Variants in CASR observed in about 807,000 individuals in gnomAD.
CASR encodes the protein extracellular calcium-sensing receptor.
Under a neutral mutation model 69.1 loss-of-function variants are expected in CASR, and 23 were observed. The ratio of observed to expected loss-of-function variants is 0.33; its 90% CI spans 0.24 to 0.47. CASR has a LOEUF of 0.47. Among genes scored for constraint, CASR ranks in the 20% least tolerant of loss-of-function variants. CASR has a pLI of 1.00. For synonymous variants in CASR, 541 were observed against 544.7 expected (o/e 0.99, Z 0.10); for missense variants, 924 against 1,356.1 (o/e 0.68, Z 5.00).
chr3:122,262,887 G>C (rs998698276), intron 4 of CASR, among the ~76,000 whole-genome samples: 1 of 152,190 alleles, frequency 6.6e-6, no homozygotes, highest in African/African-American at 2.4e-5. Context: ...CAGCAGGTCA[G>C]CTAAGCACAG....
At chr3:122,231,405 A>G (rs1314426097) in intron 1 of CASR, among the ~76,000 whole-genome samples, 4 of 152,252 alleles carry the variant, frequency 2.6e-5, no homozygotes, top group Non-Finnish European at 5.9e-5. Flanking sequence ...TATCACCATC[A>G]TACGAAGAGC....
intron 1 of CASR, among the ~76,000 whole-genome samples, chr3:122,216,256 AC>A (rs2074116740): frequency 6.6e-6 from 1 of 152,272 alleles, no homozygotes; most frequent in Admixed American, 6.5e-5. Context: ...CTTGGGCTGC[AC>A]GTTTGTCCCT....
Sources: gnomAD v4.1 joint callset for allele counts (sites outside exome capture counted in the v4.1 genomes callset) on GRCh38, gnomAD v4.1.1 for gene constraint, MANE v1.5 for transcripts, NCBI Gene and HGNC (gene_info 2026-07-23, HGNC 2026-07-21) for gene names.